Variants in SUGP2 observed in about 807,000 individuals in gnomAD.
SUGP2 encodes SURP and G-patch domain-containing protein 2.
SUGP2 carries 24 observed loss-of-function variants against 90.5 expected under a neutral mutation model. The ratio of observed to expected loss-of-function variants is 0.27; its 90% confidence interval spans 0.19 to 0.37. SUGP2 has a LOEUF of 0.37. Ranked by LOEUF, SUGP2 falls within the 10% of genes least tolerant of loss-of-function variation. The pLI is 1.00. For missense variants in SUGP2, 1,233 were observed against 1,363.3 expected (o/e 0.90, Z 1.51); for synonymous variants, 473 against 513.4 (o/e 0.92, Z 1.06).
At position 19,025,341 on chromosome 19, in the gene SUGP2, G is replaced by C. The variant is rs1161601038; in HGVS notation, c.1007C>G (p.Ala336Gly). Residue 336 changes from alanine to glycine, a missense_variant, in exon 3 of 11, where the codon GCA becomes GGA. By Grantham distance (60) the Ala-to-Gly change is moderately conservative (BLOSUM62 0). Transcript: ENST00000452918. ...ATCATCTTTTATGGTGTGGAATCCT[G>C]CCCATTTGATTATTTCTATCCCAAA... ...SRFGIEIIKW[A>G]GFHTIKDDIK... is the part of the protein sequence containing the mutation. The C allele has an allele frequency of 6.2e-7, 1 of 1,614,036 alleles. No homozygotes were observed. Among genetic ancestry groups the C allele is most frequent in the Admixed American group, 1.7e-5 (1 of 59,976 alleles).
chr19:19,000,558 T>C (rs2057789455), intron 8 of SUGP2, among the ~76,000 whole-genome samples: 1 of 152,166 alleles, frequency 6.6e-6, no homozygotes, highest in Non-Finnish European at 1.5e-5. Context: ...TAAGTTTTTA[T>C]GTTTTATTTT....
In SUGP2 at chr19:19,025,030, C is replaced by T. The variant is rs1051747989; in HGVS notation, c.1318G>A (p.Val440Ile). 6.2e-7 allele frequency: 1 copy of T among 1,614,210 alleles called. No homozygotes were observed. The highest frequency in any genetic ancestry group is 1.3e-5 in the African/African-American group (1 of 75,054). Residue 440 changes from valine to isoleucine, a missense_variant, in exon 3 of 11, where the codon GTC (valine) becomes ATC (isoleucine). This residue lies in a region of SUGP2 where 59 missense variants were observed against 92.6 expected (regional missense o/e 0.64). Coordinates refer to ENST00000452918, the MANE Select transcript of SUGP2 (RefSeq NM_001017392.5). ...MRLQDRLLKS[V>I]TPLLMACNAY... is the part of the protein sequence containing the mutation. ...TTGCAGGCCATAAGCAAAGGTGTGA[C>T]ACTCTTCAGAAGCCGGTCTTGAAGT...
chr19:19,031,313 C>A (rs1309904955), intron 1 of SUGP2, among the ~76,000 whole-genome samples: 1 of 152,054 alleles, frequency 6.6e-6, no homozygotes, highest in Non-Finnish European at 1.5e-5. Flanking sequence ...GTGAGCGGAT[C>A]ATTTAAAGTC....
At chr19:19,005,053 G>A (rs979326883) in intron 6 of SUGP2, among the ~76,000 whole-genome samples, 3 of 152,192 alleles carry the variant, frequency 2.0e-5, no homozygotes, top group African/African-American at 7.2e-5. Flanking sequence ...GATGCCAGGA[G>A]GAGCTGCACA....
Position 19,004,464 on chromosome 19 carries a change from G to C in SUGP2, c.2633C>G (p.Pro878Arg). 1 of 1,614,222 alleles carries C rather than the reference G, an allele frequency of 6.2e-7. No individual in the cohort carries two copies. The highest frequency in any genetic ancestry group is 2.2e-5 in the East Asian group (1 of 44,886). ...CTCCAGCTCAGCCTCCCGCGGAGGG[G>C]GCTCGTCTTCAAACTCTGCTTCCCC... The part of the protein sequence containing the change: ...MEGEAEFEDE[P>R]PPREAELESP... Residue 878 changes from proline to arginine, a missense_variant, in exon 7 of 11, where the codon CCC becomes CGC. This residue lies in a region of SUGP2 where 540 missense variants were observed against 542.6 expected (regional missense o/e 1.00). Coordinates refer to ENST00000452918, the MANE Select transcript of SUGP2 (RefSeq NM_001017392.5).
intron 8 of SUGP2, among the ~76,000 whole-genome samples, chr19:18,997,342 A>T (rs554143474): frequency 6.6e-6 from 1 of 152,050 alleles, no homozygotes; most frequent in East Asian, 1.9e-4. Flanking sequence ...GTCAGGAGGG[A>T]GGGAGGGAGG....
rs1027699932 is a variant in SUGP2, at chr19:19,033,271, G to T, written c.-12+166C>A. ...GAAATGGGGGCGCCGGGCCCGGGAGGCCGCAGCCGGCCACCCAGGCCAACC... is the reference window on the plus strand; with the variant it reads ...GAAATGGGGGCGCCGGGCCCGGGAGTCCGCAGCCGGCCACCCAGGCCAACC... On this transcript the variant is annotated intron_variant, in intron 1 of 10. Transcript: ENST00000452918. The T allele has an allele frequency of 5.1e-5, 39 of 761,074 alleles. No individual in the cohort carries two copies. The Middle Eastern group carries it at 1.7e-3, about 34-fold the overall frequency. The allele number at this position is 761,074 out of a possible 1,614,324, so 47.1% of individuals were successfully genotyped here. A position where few individuals can be genotyped will look rare whatever the true frequency, so the allele number is the denominator to read the frequency against.
intron 2 of SUGP2, among the ~76,000 whole-genome samples, 159 bp downstream of exon 2, chr19:19,030,792 G>T (rs2059123478): frequency 1.3e-5 from 2 of 151,970 alleles, no homozygotes. Context: ...TCACAAAAAA[G>T]AAACCAAACC....
chr19:19,019,091 G>T lies in SUGP2; in HGVS notation c.1850+18C>A. The T allele has an allele frequency of 6.2e-7, 1 of 1,608,956 alleles. No homozygotes were observed. Among genetic ancestry groups the T allele is most frequent in the Non-Finnish European group, 8.5e-7 (1 of 1,175,866 alleles). ...ACTCCATGAGAGGGATTCACAGCGT[G>T]GACATTTAAAGACCTACCAGTAAGC... is the stretch of plus-strand genomic sequence containing the variant. On this transcript the variant is annotated intron_variant, in intron 4 of 10. Coordinates refer to ENST00000452918, the MANE Select transcript of SUGP2 (RefSeq NM_001017392.5).
Position 19,008,338 on chromosome 19 carries a change from C to T in SUGP2, c.2429G>A (p.Ser810Asn), listed in dbSNP as rs745854271. The change falls in exon 6 of 11, where the codon AGC (serine) becomes AAC (asparagine). Residue 810 changes from serine to asparagine, a missense_variant. By Grantham distance (46) the Ser-to-Asn change is conservative (BLOSUM62 1). Transcript: ENST00000452918. ...GTACCACAGGTCAGGGTTATCGGTG[C>T]TGTTTTCTATGCTGAATTGTTCGAT... is the stretch of plus-strand genomic sequence containing the variant. The part of the protein sequence containing the change: ...PEIEQFSIEN[S>N]TDNPDLWFLH... The T allele has an allele frequency of 2.7e-5, 44 of 1,614,002 alleles. No homozygotes were observed. Among genetic ancestry groups the T allele is most frequent in the Non-Finnish European group, 3.7e-5 (44 of 1,180,000 alleles).
intron 1 of SUGP2, 62 bp from the exon 2 acceptor site, chr19:19,031,144 A>C (rs1349921032): frequency 8.3e-6 from 13 of 1,557,458 alleles, no homozygotes; most frequent in Non-Finnish European, 1.0e-5. Flanking sequence ...GCGGTGGCTC[A>C]TACCTGTAAT....
chr19:19,024,755 C>T lies in SUGP2; in HGVS notation c.1593G>A (p.Leu531=), dbSNP rs148490413. The T allele has an allele frequency of 2.5e-6, 4 of 1,614,150 alleles. No homozygotes were observed. The African/African-American group carries it at 5.3e-5, about 22-fold the overall frequency. Residue 531 remains leucine, a synonymous_variant, in exon 3 of 11, where the codon CTG becomes CTA. Transcript: ENST00000452918. ...TLFGREYIDH[L]KAWLVSSGCP... is the part of the protein sequence containing the mutation. ...ATCCGCTGCTGACTAGCCAGGCCTT[C>T]AGGTGGTCTATGTACTCTCGCCCAA... is the stretch of plus-strand genomic sequence containing the variant.
rs187357722 is a variant in SUGP2 at position 18,994,056 on chromosome 19, C to T, written c.*310G>A. On this transcript the variant is annotated intron_variant, in intron 10 of 10. Transcript: ENST00000452918. ...GAGCAAGAGAAGAGACAGGCGTGGCCTATTTCCACACGCACATCCACGGAG... is the reference window on the plus strand; with the variant it reads ...GAGCAAGAGAAGAGACAGGCGTGGCTTATTTCCACACGCACATCCACGGAG... The T allele has an allele frequency of 6.3e-5, 15 of 237,230 alleles. No homozygotes were observed. The East Asian group carries it at 1.6e-3, about 25-fold the overall frequency. 14.7% of individuals were successfully genotyped at this position (237,230 alleles called of 1,614,324 possible).
intron 9 of SUGP2, 141 bp downstream of exon 9, chr19:18,995,003 A>T (rs1242740765): frequency 1.0e-6 from 1 of 965,942 alleles, no homozygotes; most frequent in Non-Finnish European, 1.6e-6. Flanking sequence ...TCAGCTTCTC[A>T]TCTGAAGATG....
intron 6 of SUGP2, among the ~76,000 whole-genome samples, chr19:19,005,578 A>G (rs971461660): frequency 2.6e-5 from 4 of 152,156 alleles, no homozygotes; most frequent in African/African-American, 9.7e-5. Context: ...GAAAGACCAG[A>G]AACCCAGCAT....
intron 6 of SUGP2, among the ~76,000 whole-genome samples, chr19:19,005,843 A>T (rs1266322015): frequency 2.4e-5 from 1 of 41,432 alleles, no homozygotes; most frequent in Non-Finnish European, 4.2e-5. Flanking sequence ...CCAGGCTAAC[A>T]AACACACACA....
rs1168373846 is a variant in SUGP2, at chr19:19,004,525, T to C, written c.2572A>G (p.Thr858Ala). The change falls in exon 7 of 11, where the codon ACG becomes GCG. Residue 858 changes from threonine (T) to alanine (A), a missense_variant. By Grantham distance (58) the Thr-to-Ala change is moderately conservative. Around this residue, in one of 8 missense-constraint regions of SUGP2, gnomAD observed 540 missense variants for 542.6 expected, o/e 1.00. Coordinates refer to ENST00000452918, the MANE Select transcript of SUGP2 (RefSeq NM_001017392.5). ...HNLHTGGGDT[T>A]GSQESPVDLM... Reference sequence around the variant, plus strand: ...TCCACGGGGCTCTCCTGAGAACCCGTGGTGTCACCACCACCAGTGTGAAGG... The same window carrying C: ...TCCACGGGGCTCTCCTGAGAACCCGCGGTGTCACCACCACCAGTGTGAAGG... The C allele has an allele frequency of 6.2e-7, 1 of 1,614,208 alleles. No homozygotes were observed. The highest frequency in any genetic ancestry group is 8.5e-7 in the Non-Finnish European group (1 of 1,180,018).
At chr19:19,005,627 G>T (rs1011367615) in intron 6 of SUGP2, among the ~76,000 whole-genome samples, 1 of 152,156 alleles carries the variant, frequency 6.6e-6, no homozygotes, top group South Asian at 2.1e-4. Flanking sequence ...CAAAAAAGGG[G>T]TGGGTCTTTC....
rs185686748 is a variant in SUGP2 at position 19,030,364 on chromosome 19, C to T, written c.121+587G>A. On this transcript the variant is annotated intron_variant, in intron 2 of 10. Transcript: ENST00000452918. ...AATTAGCTGGGCGTGGTGGTGCATG[C>T]CCGTAATCCCAGCTACTCAGGAGGC... Among the ~76,000 whole-genome samples, 621 of 152,082 alleles carry T rather than the reference C, an allele frequency of 4.1e-3. 7 individuals carry two copies. Among genetic ancestry groups the T allele is most frequent in the Middle Eastern group, 0.02 (6 of 294 alleles).
Sources: gnomAD v4.1 joint callset for allele counts (sites outside exome capture counted in the v4.1 genomes callset) on GRCh38, gnomAD v4.1.1 for gene constraint, gnomAD v4.1.1 regional missense constraint, MANE v1.5 for transcripts, NCBI Gene and HGNC (gene_info 2026-07-23, HGNC 2026-07-21) for gene names.